LRRC4C: variants seen among roughly 807,000 people sequenced by gnomAD.
The protein encoded by LRRC4C is leucine-rich repeat-containing protein 4C.
LRRC4C carries 5 observed loss-of-function variants against 33.6 expected under a neutral mutation model. That is an observed-to-expected ratio of 0.15 (90% CI 0.08 to 0.31). The LOEUF is 0.31. Ranked by LOEUF, LRRC4C falls within the 10% of genes least tolerant of loss-of-function variation. LRRC4C has a pLI of 1.00. For synonymous variants in LRRC4C, 329 were observed against 302.0 expected, an observed-to-expected ratio of 1.09 and a Z score of -0.93; for missense variants, 560 against 796.7, an observed-to-expected ratio of 0.70 and a Z score of 3.58.
chr11:41,159,756 A>C (rs938182472), intron 1 of LRRC4C, among the ~76,000 whole-genome samples: 2 of 152,236 alleles, frequency 1.3e-5, no homozygotes, highest in Non-Finnish European at 2.9e-5. Flanking sequence ...ACATAAAGAG[A>C]GATACACTTT....
At chr11:41,259,570 T>A (rs1487362557) in intron 1 of LRRC4C, among the ~76,000 whole-genome samples, 1 of 152,010 alleles carries the variant, frequency 6.6e-6, no homozygotes, top group Non-Finnish European at 1.5e-5. Flanking sequence ...CATTGTTTAA[T>A]CACATATGCG....
At chr11:40,980,469 T>C (rs952354236) in intron 1 of LRRC4C, among the ~76,000 whole-genome samples, 1 of 152,174 alleles carries the variant, frequency 6.6e-6, no homozygotes, top group Non-Finnish European at 1.5e-5. Context: ...GAAGAGAAAT[T>C]GAGACCTCCT....
At chr11:40,808,008 T>A (rs1343412040) in intron 2 of LRRC4C, among the ~76,000 whole-genome samples, 1 of 152,198 alleles carries the variant, frequency 6.6e-6, no homozygotes, top group Non-Finnish European at 1.5e-5. Context: ...CCAGTTTTTT[T>A]ATCATGAGCA....
chr11:41,182,848 TA>T (rs57291815), intron 1 of LRRC4C, among the ~76,000 whole-genome samples: 79,166 of 144,064 alleles, frequency 0.55, 23,341 homozygotes, highest in Non-Finnish European at 0.68. Context: ...CTGGGCAATT[TA>T]AAAAAAAAAA....
At chr11:40,266,213 G>A (rs936579264) in intron 4 of LRRC4C, among the ~76,000 whole-genome samples, 3 of 152,066 alleles carry the variant, frequency 2.0e-5, no homozygotes, top group Non-Finnish European at 2.9e-5. Context: ...GGTGGGAGGA[G>A]CACTTAAGCC....
rs1181820071 is a variant in LRRC4C, at chr11:40,948,502, T to C, written c.-495-14779A>G. On this transcript the variant is annotated intron_variant, in intron 1 of 6. Coordinates refer to ENST00000528697, the MANE Select transcript of LRRC4C (RefSeq NM_001258419.2). Reference sequence around the variant, plus strand: ...ATCTAGCATTAGGTATATCTCCCAATGCTATCCCTCCCCCCTCCCCCCACC... The same window carrying C: ...ATCTAGCATTAGGTATATCTCCCAACGCTATCCCTCCCCCCTCCCCCCACC... Among the ~76,000 whole-genome samples, 4 of 140,792 alleles carry C rather than the reference T, an allele frequency of 2.8e-5. No homozygotes were observed. The East Asian group carries it at 6.7e-4, about 23-fold the overall frequency. The allele number at this position is 140,792 out of a possible 152,430, so 92.4% of individuals were successfully genotyped here. A position where few individuals can be genotyped will look rare whatever the true frequency, so the allele number is the denominator to read the frequency against.
chr11:40,422,253 G>C (rs1382943694), intron 3 of LRRC4C, among the ~76,000 whole-genome samples: 2 of 152,122 alleles, frequency 1.3e-5, no homozygotes, highest in African/African-American at 4.8e-5. Context: ...GGTGCTTCTT[G>C]TCCCCTACGT....
At position 40,122,099 on chromosome 11, in the gene LRRC4C, A is replaced by G. The variant is rs189187437; in HGVS notation, c.-42-5765T>C. 2.5e-3 allele frequency among the ~76,000 whole-genome samples: 379 copies of G among 152,204 alleles called. 4 individuals carry two copies. The highest frequency in any genetic ancestry group is 8.8e-3 in the African/African-American group (364 of 41,536). On this transcript the variant is annotated intron_variant, in intron 6 of 6. Transcript: ENST00000528697. ...TATCCAGTCTTTCATGGAAAATTCAACAGACATCTGTGCTCAGATTTACTG... is the reference window on the plus strand; with the variant it reads ...TATCCAGTCTTTCATGGAAAATTCAGCAGACATCTGTGCTCAGATTTACTG...
chr11:41,447,307 C>A (rs1197216065), intron 1 of LRRC4C, among the ~76,000 whole-genome samples: 2 of 152,124 alleles, frequency 1.3e-5, no homozygotes, highest in African/African-American at 4.8e-5. Flanking sequence ...TATGTTCATC[C>A]TCATCACGGG....
At chr11:40,222,868 G>A (rs751996668) in intron 5 of LRRC4C, among the ~76,000 whole-genome samples, 4 of 152,006 alleles carry the variant, frequency 2.6e-5, no homozygotes, top group African/African-American at 7.2e-5. Context: ...AGTTTCGATC[G>A]TCAGATAAAT....
At chr11:41,336,697 C>A (rs933953347) in intron 1 of LRRC4C, among the ~76,000 whole-genome samples, 1 of 152,108 alleles carries the variant, frequency 6.6e-6, no homozygotes, top group Admixed American at 6.5e-5. Flanking sequence ...AAATTAAAGT[C>A]CCCAGCTTCA....
At chr11:41,184,213 G>A (rs889441086) in intron 1 of LRRC4C, among the ~76,000 whole-genome samples, 10 of 151,804 alleles carry the variant, frequency 6.6e-5, no homozygotes, top group African/African-American at 1.9e-4. Context: ...CATTATTTAC[G>A]CAAATTTCTG....
intron 3 of LRRC4C, among the ~76,000 whole-genome samples, chr11:40,357,371 C>T (rs762187985): frequency 5.3e-5 from 8 of 152,082 alleles, no homozygotes; most frequent in African/African-American, 1.2e-4. Flanking sequence ...ACACAAGGGT[C>T]AATTTTGGGC....
chr11:40,678,132 T>C (rs941162470), intron 2 of LRRC4C, among the ~76,000 whole-genome samples: 1 of 151,926 alleles, frequency 6.6e-6, no homozygotes, highest in Non-Finnish European at 1.5e-5. Flanking sequence ...ACACATCACT[T>C]TTCTTTTTTT....
chr11:41,054,802 C>A (rs933146194), intron 1 of LRRC4C, among the ~76,000 whole-genome samples: 6 of 152,110 alleles, frequency 3.9e-5, no homozygotes, highest in Admixed American at 2.0e-4. Context: ...AGAAGAAAAG[C>A]AGATATGAGA....
chr11:40,528,872 A>G (rs1471946454), intron 3 of LRRC4C, among the ~76,000 whole-genome samples: 1 of 152,314 alleles, frequency 6.6e-6, no homozygotes, highest in East Asian at 1.9e-4. Flanking sequence ...ATGCTAGGTA[A>G]AATAAGCCAA....
intron 2 of LRRC4C, among the ~76,000 whole-genome samples, chr11:40,909,225 C>T (rs1956559768): frequency 6.6e-6 from 1 of 152,032 alleles, no homozygotes; most frequent in African/African-American, 2.4e-5. Context: ...CCTTTTAAAT[C>T]AATCTTTTAG....
intron 5 of LRRC4C, among the ~76,000 whole-genome samples, chr11:40,238,090 A>G (rs1865687226): frequency 6.6e-6 from 1 of 152,196 alleles, no homozygotes; most frequent in Admixed American, 6.6e-5. Context: ...TTTGTACGGC[A>G]GCACAGGTTT....
chr11:40,905,308 G>C (rs958832858), intron 2 of LRRC4C, among the ~76,000 whole-genome samples: 1 of 151,832 alleles, frequency 6.6e-6, no homozygotes, highest in Non-Finnish European at 1.5e-5. Context: ...TCCACTCCCA[G>C]TTTCACGTGT....
Sources: gnomAD v4.1 joint callset for allele counts (sites outside exome capture counted in the v4.1 genomes callset) on GRCh38, gnomAD v4.1.1 for gene constraint, MANE v1.5 for transcripts, NCBI Gene and HGNC (gene_info 2026-07-23, HGNC 2026-07-21) for gene names.